The following LYST variants were observed in gnomAD, a reference collection of about 807,000 sequenced individuals.
LYST encodes the protein lysosomal trafficking regulator.
LYST carries 192 observed loss-of-function variants against 413.6 expected under a neutral mutation model. That is an observed-to-expected ratio of 0.46 (90% CI 0.41 to 0.52). The LOEUF (loss-of-function observed/expected upper bound fraction) is 0.52, where lower values mean the gene tolerates loss of function less well. LYST is among the 20% of genes least tolerant of loss of function. LYST has a pLI of 0.00. For synonymous variants in LYST, 1,525 were observed against 1,567.3 expected (o/e 0.97, Z 0.64); for missense variants, 3,815 against 4,499.9 (o/e 0.85, Z 4.35).
intron 25 of LYST, among the ~76,000 whole-genome samples, chr1:235,754,196 G>T (rs1171700352): frequency 6.7e-6 from 1 of 148,930 alleles, no homozygotes; most frequent in African/African-American, 2.5e-5. Context: ...CTGTCACTGA[G>T]AATACATGAG....
At chr1:235,834,922 T>G (rs930560989) in intron 1 of LYST, among the ~76,000 whole-genome samples, 1 of 147,010 alleles carries the variant, frequency 6.8e-6, no homozygotes, top group African/African-American at 2.5e-5. Flanking sequence ...ATCATGCAAA[T>G]TTTTTTTTTT....
chr1:235,727,251 T>G (rs1349368375), intron 38 of LYST, among the ~76,000 whole-genome samples: 1 of 151,268 alleles, frequency 6.6e-6, no homozygotes, highest in Non-Finnish European at 1.5e-5. Context: ...GCCTCCCGAG[T>G]AGCTGGGATT....
At chr1:235,751,865 T>C (rs1666526399) in intron 27 of LYST, 140 bp downstream of exon 27, 1 of 692,352 alleles carries the variant, frequency 1.4e-6, no homozygotes, top group African/African-American at 1.8e-5. Flanking sequence ...AGGCTTCTTT[T>C]TAAAAACTGA....
chr1:235,846,065 C>A (rs1231967449), intron 1 of LYST, among the ~76,000 whole-genome samples: 4 of 152,258 alleles, frequency 2.6e-5, no homozygotes, highest in African/African-American at 7.2e-5. Flanking sequence ...CATGGCCAAC[C>A]AGTACAAAAA....
chr1:235,751,911 TAA>T (rs1666531310), intron 27 of LYST, 92 bp downstream of exon 27: 1 of 904,288 alleles, frequency 1.1e-6, no homozygotes, highest in Non-Finnish European at 1.7e-6. Context: ...AAACTTTTAG[TAA>T]AAGAGTTTCT....
chr1:235,777,079 A>C lies in LYST; in HGVS notation c.5444T>G (p.Val1815Gly). ...LHEIGGTGIFVFLFARVVELS... is the reference protein window; with the variant it reads ...LHEIGGTGIFGFLFARVVELS... ...GATTCTTACCCTGGCAAAGAGAAAA[A>C]CAAATATGCCAGTTCCACCAATTTC... The change falls in exon 17 of 53, where the codon GTT becomes GGT. Residue 1815 changes from valine (V) to glycine (G), a missense_variant. Physicochemically the swap from Val to Gly is moderately radical, Grantham distance 109 (BLOSUM62 -3). This residue lies in a region of LYST where 530 missense variants were observed against 696.5 expected (regional missense o/e 0.76). Transcript: ENST00000389793. 1 of 1,613,500 alleles carries C rather than the reference A, an allele frequency of 6.2e-7. No homozygotes were observed. Among genetic ancestry groups the C allele is most frequent in the Non-Finnish European group, 8.5e-7 (1 of 1,179,608 alleles).
At chr1:235,757,950 C>T (rs573305803) in intron 23 of LYST, among the ~76,000 whole-genome samples, 1 of 151,592 alleles carries the variant, frequency 6.6e-6, no homozygotes, top group South Asian at 2.1e-4. Flanking sequence ...CAGAAAAACC[C>T]AGTTCACTCA....
chr1:235,856,076 A>G (rs1679144531), intron 1 of LYST, among the ~76,000 whole-genome samples: 1 of 152,190 alleles, frequency 6.6e-6, no homozygotes, highest in Non-Finnish European at 1.5e-5. Context: ...TTCTGAGCAC[A>G]GGCATTTCAA....
rs116366203 is a variant in LYST at position 235,830,049 on chromosome 1, G to A, written c.192+177C>T. On this transcript the variant is annotated intron_variant, in intron 3 of 52. Coordinates refer to ENST00000389793, the MANE Select transcript of LYST (RefSeq NM_000081.4). ...AATTCTAAGATATTTCAGACGTTTT[G>A]AAAGTATTCAAATAAACAATATGGT... 1.6e-3 allele frequency: 955 copies of A among 587,466 alleles called. 9 individuals are homozygous for A. Among genetic ancestry groups the A allele is most frequent in the African/African-American group, 0.014 (770 of 53,374 alleles). The allele number at this position is 587,466 out of a possible 1,614,324, so 36.4% of individuals were successfully genotyped here. A position where few individuals can be genotyped will look rare whatever the true frequency, so the allele number is the denominator to read the frequency against.
intron 2 of LYST, among the ~76,000 whole-genome samples, chr1:235,831,411 G>A (rs1675966423): frequency 6.6e-6 from 1 of 152,108 alleles, no homozygotes; most frequent in African/African-American, 2.4e-5. Context: ...TTCTCTCTCG[G>A]GAATTTAAAC....
chr1:235,734,848 T>C (rs1468403326), intron 31 of LYST, 189 bp from the exon 32 acceptor site: 1 of 466,844 alleles, frequency 2.1e-6, no homozygotes, highest in African/African-American at 2.0e-5. Flanking sequence ...TGACAGAGGA[T>C]TAATGCTAAT....
At chr1:235,716,608 A>C (rs1662855116) in intron 41 of LYST, 104 bp downstream of exon 41, 1 of 716,146 alleles carries the variant, frequency 1.4e-6, no homozygotes, top group Non-Finnish European at 2.5e-6. Context: ...TAGTACAAGA[A>C]GGTAAAAAAT....
chr1:235,744,094 G>A lies in LYST; in HGVS notation c.8036C>T (p.Ser2679Leu). ...CTCAGAAATTTCGGTCTGGAAAACT[G>A]AGGTCTTGCTTTGAGTTACATTTTC... ...TPENVTQSKT[S>L]VFQTEISEEN... is the part of the protein sequence containing the mutation. Residue 2679 changes from serine to leucine, a missense_variant, in exon 30 of 53, where the codon TCA (serine) becomes TTA (leucine). By Grantham distance (145) the Ser-to-Leu change is moderately radical. This residue lies in a region of LYST where 771 missense variants were observed against 837.1 expected (regional missense o/e 0.92). Transcript: ENST00000389793. The A allele has an allele frequency of 1.2e-6, 2 of 1,600,720 alleles. No individual in the cohort carries two copies. Among genetic ancestry groups the A allele is most frequent in the African/African-American group, 1.3e-5 (1 of 74,722 alleles).
intron 21 of LYST, among the ~76,000 whole-genome samples, chr1:235,765,504 T>C (rs1668048652): frequency 6.6e-6 from 1 of 152,232 alleles, no homozygotes; most frequent in Admixed American, 6.5e-5. Flanking sequence ...CAAGGACCCA[T>C]TTGATATGAC....
chr1:235,770,269 G>A lies in LYST; in HGVS notation c.5813C>T (p.Ala1938Val). ...EQGVWETLLAALEVLIRADHH... is the reference protein window; with the variant it reads ...EQGVWETLLAVLEVLIRADHH... ...ATCTGCTCTGATGAGGACTTCTAGA[G>A]CTGCTAGCAAAGTTTCCCAAACACC... The change falls in exon 20 of 53, where the codon GCT becomes GTT. Residue 1938 changes from alanine to valine, a missense_variant. By Grantham distance (64) the Ala-to-Val change is moderately conservative. This residue lies in a region of LYST where 530 missense variants were observed against 696.5 expected (regional missense o/e 0.76). Transcript: ENST00000389793. 6.2e-7 allele frequency: 1 copy of A among 1,613,716 alleles called. No individual in the cohort carries two copies. Among genetic ancestry groups the A allele is most frequent in the Non-Finnish European group, 8.5e-7 (1 of 1,179,748 alleles).
At chr1:235,839,436 C>A (rs1006961653) in intron 1 of LYST, 1 of 152,034 alleles carries the variant, frequency 6.6e-6, no homozygotes, top group African/African-American at 2.4e-5. Flanking sequence ...GGATTACAGG[C>A]GTGATCCACT....
intron 1 of LYST, among the ~76,000 whole-genome samples, chr1:235,851,366 G>A (rs1678513842): frequency 6.7e-6 from 1 of 150,240 alleles, no homozygotes; most frequent in South Asian, 2.2e-4. Flanking sequence ...GGATGCAAAG[G>A]CATAGAATGA....
intron 30 of LYST, among the ~76,000 whole-genome samples, chr1:235,743,361 G>A (rs10926546): frequency 0.27 from 41,778 of 151,986 alleles, 6,077 homozygotes; most frequent in African/African-American, 0.34. Context: ...TGGTTTTGCT[G>A]TTCAGAGCTA....
chr1:235,845,683 G>A (rs372550583), intron 1 of LYST, among the ~76,000 whole-genome samples: 3 of 152,050 alleles, frequency 2.0e-5, no homozygotes, highest in African/African-American at 4.8e-5. Context: ...TTCTGTTTGC[G>A]TGGGAGCTGG....
Sources: allele counts gnomAD v4.1 joint callset (sites outside exome capture counted in the v4.1 genomes callset), GRCh38; gene constraint gnomAD v4.1.1; regional missense constraint gnomAD v4.1.1; transcripts MANE v1.5; gene names NCBI Gene and HGNC (gene_info 2026-07-23, HGNC 2026-07-21).